Variants in SH3PXD2B observed in about 807,000 individuals in gnomAD.
SH3PXD2B encodes SH3 and PX domain-containing protein 2B.
A neutral mutation model predicts 73.1 loss-of-function variants in SH3PXD2B; 37 were observed. The observed-to-expected ratio is 0.51, with a 90% CI of 0.39 to 0.67. The LOEUF (loss-of-function observed/expected upper bound fraction) is 0.67. Among genes scored for constraint, SH3PXD2B ranks in the 30% least tolerant of loss-of-function variants. The pLI is 0.00. For synonymous variants in SH3PXD2B, 457 were observed against 480.5 expected, an observed-to-expected ratio of 0.95 and a Z score of 0.64; for missense variants, 1,053 against 1,197.8, an observed-to-expected ratio of 0.88 and a Z score of 1.78.
intron 1 of SH3PXD2B, among the ~76,000 whole-genome samples, chr5:172,451,340 A>C (rs184141660): frequency 1.3e-5 from 2 of 152,270 alleles, no homozygotes; most frequent in African/African-American, 4.8e-5. Flanking sequence ...CTGACTTTAT[A>C]GTCTATGGCG....
At position 172,333,635 on chromosome 5, in the gene SH3PXD2B, C is replaced by G; in HGVS notation, c.*4734G>C. On this transcript the variant is annotated 3_prime_UTR_variant, in exon 13 of 13. Coordinates refer to ENST00000311601, the MANE Select transcript of SH3PXD2B (RefSeq NM_001017995.3). ...CACCCCTCCCCTCACATCCTATATA[C>G]TCATTTATTTAATGTGTTAAAGGAA... is the stretch of plus-strand genomic sequence containing the variant. 1 of 1,288,854 alleles carries G rather than the reference C, an allele frequency of 7.8e-7. No homozygotes were observed. Among genetic ancestry groups the G allele is most frequent in the Non-Finnish European group, 1.0e-6 (1 of 988,724 alleles). 79.8% of individuals were successfully genotyped at this position (1,288,854 alleles called of 1,614,324 possible). A position where few individuals can be genotyped will look rare whatever the true frequency, so the allele number is the denominator to read the frequency against.
chr5:172,366,701 C>T (rs1024135070), intron 6 of SH3PXD2B, among the ~76,000 whole-genome samples: 5 of 151,920 alleles, frequency 3.3e-5, no homozygotes, highest in South Asian at 2.1e-4. Flanking sequence ...GGTGCAATCT[C>T]GGCTCACTGC....
At chr5:172,352,543 A>G (rs1378075338) in intron 9 of SH3PXD2B, among the ~76,000 whole-genome samples, 1 of 152,120 alleles carries the variant, frequency 6.6e-6, no homozygotes, top group African/African-American at 2.4e-5. Flanking sequence ...GCTATTTGAT[A>G]TGGTTTGGCT....
At chr5:172,350,150 C>T (rs1047900073) in intron 10 of SH3PXD2B, among the ~76,000 whole-genome samples, 3 of 152,144 alleles carry the variant, frequency 2.0e-5, no homozygotes, top group East Asian at 1.9e-4. Flanking sequence ...CCACTGTGCC[C>T]GGCCAGCAAT....
chr5:172,383,598 G>A (rs1440859262), intron 4 of SH3PXD2B, among the ~76,000 whole-genome samples: 1 of 152,204 alleles, frequency 6.6e-6, no homozygotes, highest in African/African-American at 2.4e-5. Flanking sequence ...TCTGAGGGTG[G>A]TTCAGGTGGT....
At chr5:172,431,690 G>GCACACACACACACA (rs60568854) in intron 1 of SH3PXD2B, among the ~76,000 whole-genome samples, 9 of 151,774 alleles carry the variant, frequency 5.9e-5, no homozygotes, top group Admixed American at 1.3e-4. Flanking sequence ...GACACCCATT[G>GCACACACACACACA]CACACACACA....
At chr5:172,430,960 G>A (rs1290896422) in intron 1 of SH3PXD2B, among the ~76,000 whole-genome samples, 1 of 151,916 alleles carries the variant, frequency 6.6e-6, no homozygotes, top group Non-Finnish European at 1.5e-5. Flanking sequence ...TCCACATCCC[G>A]GGTTCAAGCG....
intron 6 of SH3PXD2B, among the ~76,000 whole-genome samples, chr5:172,368,711 T>A (rs577299545): frequency 8.3e-5 from 7 of 84,166 alleles, no homozygotes; most frequent in South Asian, 3.5e-4. Context: ...ATATATATAT[T>A]ATATATATAT....
intron 10 of SH3PXD2B, among the ~76,000 whole-genome samples, chr5:172,348,654 C>CTATCTATGTAT (rs1440672001): frequency 1.7e-5 from 1 of 60,398 alleles, no homozygotes; most frequent in Non-Finnish European, 3.6e-5. Context: ...ATCTATCTAT[C>CTATCTATGTAT]CTATCTATCT....
chr5:172,329,386 A>G, downstream of SH3PXD2B, among the ~76,000 whole-genome samples: 1 of 151,284 alleles, frequency 6.6e-6, no homozygotes, highest in East Asian at 1.9e-4. Context: ...ACCTGGTCAC[A>G]TATTAACATT....
intron 2 of SH3PXD2B, 107 bp downstream of exon 2, chr5:172,422,309 T>TAAA (rs1758985956): frequency 9.3e-7 from 1 of 1,079,238 alleles, no homozygotes; most frequent in African/African-American, 1.6e-5. Context: ...ATGTCATTTT[T>TAAA]AAGTCTGGGA....
intron 1 of SH3PXD2B, among the ~76,000 whole-genome samples, chr5:172,451,366 G>A (rs887383508): frequency 6.6e-6 from 1 of 152,180 alleles, no homozygotes; most frequent in Non-Finnish European, 1.5e-5. Context: ...GCTGGGGTGG[G>A]AATGTGTGTG....
intron 12 of SH3PXD2B, among the ~76,000 whole-genome samples, 195 bp from the exon 13 acceptor site, chr5:172,340,111 C>A (rs1010725860): frequency 3.3e-5 from 5 of 152,332 alleles, no homozygotes; most frequent in Middle Eastern, 3.4e-3. Flanking sequence ...GGGGGAGAGT[C>A]TTGTCGTATG....
intron 5 of SH3PXD2B, among the ~76,000 whole-genome samples, chr5:172,377,503 T>C (rs1757844435): frequency 6.6e-6 from 1 of 152,150 alleles, no homozygotes; most frequent in African/African-American, 2.4e-5. Context: ...AAGGCATCAC[T>C]AGGTAAGCAC....
chr5:172,328,237 C>T (rs1756482590), intron 12 of SH3PXD2B, among the ~76,000 whole-genome samples: 1 of 151,696 alleles, frequency 6.6e-6, no homozygotes, highest in Admixed American at 6.6e-5. Flanking sequence ...TCCCGAGTAG[C>T]TGGGACTACA....
At chr5:172,410,250 C>T (rs936379461) in intron 2 of SH3PXD2B, among the ~76,000 whole-genome samples, 2 of 152,200 alleles carry the variant, frequency 1.3e-5, no homozygotes, top group South Asian at 2.1e-4. Flanking sequence ...TACTAGTTTA[C>T]GTTCCCACCA....
intron 4 of SH3PXD2B, among the ~76,000 whole-genome samples, chr5:172,388,827 AAAG>A (rs1045602750): frequency 1.3e-5 from 2 of 152,224 alleles, no homozygotes; most frequent in Admixed American, 6.5e-5. Flanking sequence ...GGCCTGGACA[AAAG>A]AAGATCATCT....
At chr5:172,388,722 T>C (rs571024411) in intron 4 of SH3PXD2B, among the ~76,000 whole-genome samples, 1 of 152,338 alleles carries the variant, frequency 6.6e-6, no homozygotes, top group African/African-American at 2.4e-5. Context: ...AGAAGCAGAA[T>C]AGGCTGATTT....
At chr5:172,340,418 G>A (rs1356220367) in intron 12 of SH3PXD2B, among the ~76,000 whole-genome samples, 1 of 152,180 alleles carries the variant, frequency 6.6e-6, no homozygotes, top group Non-Finnish European at 1.5e-5. Flanking sequence ...GAAGCTGTCG[G>A]CTTGCAGGGA....
Sources: allele counts gnomAD v4.1 joint callset (sites outside exome capture counted in the v4.1 genomes callset), GRCh38; gene constraint gnomAD v4.1.1; transcripts MANE v1.5; gene names NCBI Gene and HGNC (gene_info 2026-07-23, HGNC 2026-07-21).